Variants in NUP214 observed in about 807,000 individuals in gnomAD.
NUP214 encodes the protein nucleoporin 214.
A neutral mutation model predicts 196.2 loss-of-function variants in NUP214; 79 were observed. The observed-to-expected ratio is 0.40, with a 90% CI of 0.34 to 0.49. NUP214 has a LOEUF of 0.49. Ranked by LOEUF, NUP214 falls within the 20% of genes least tolerant of loss-of-function variation. The pLI is 0.58. For synonymous variants in NUP214, 1,020 were observed against 990.5 expected, an observed-to-expected ratio of 1.03 and a Z score of -0.56; for missense variants, 2,468 against 2,539.0, an observed-to-expected ratio of 0.97 and a Z score of 0.60.
chr9:131,159,114 G>A (rs1050751288), intron 17 of NUP214: 3 of 428,538 alleles, frequency 7.0e-6, no homozygotes, highest in Admixed American at 4.2e-5. Context: ...GAGTCTTGCT[G>A]TGTTGCCCAG....
chr9:131,175,221 A>G (rs1271869094), intron 22 of NUP214, among the ~76,000 whole-genome samples: 1 of 152,308 alleles, frequency 6.6e-6, no homozygotes, highest in Non-Finnish European at 1.5e-5. Flanking sequence ...TGTTGGTATA[A>G]AAGTTGTATC....
At chr9:131,225,762 C>G (rs1834703330) in intron 32 of NUP214, among the ~76,000 whole-genome samples, 1 of 152,176 alleles carries the variant, frequency 6.6e-6, no homozygotes, top group African/African-American at 2.4e-5. Flanking sequence ...GCCTTCCTGT[C>G]CAGGCATCAG....
intron 30 of NUP214, 47 bp from the exon 31 acceptor site, chr9:131,215,165 C>A: frequency 7.0e-7 from 1 of 1,421,802 alleles, no homozygotes; most frequent in South Asian, 1.7e-5. Flanking sequence ...TGCCATTTCA[C>A]GATGACCTCT....
intron 32 of NUP214, among the ~76,000 whole-genome samples, chr9:131,223,725 T>TTATTTATTTA (rs1834635612): frequency 5.0e-5 from 1 of 20,080 alleles, no homozygotes; most frequent in Non-Finnish European, 1.3e-4. Flanking sequence ...ATTTATTTAT[T>TTATTTATTTA]TATTTTTTTT....
intron 32 of NUP214, 146 bp from the exon 33 acceptor site, chr9:131,228,014 T>C: frequency 1.4e-6 from 1 of 727,992 alleles, no homozygotes; most frequent in Non-Finnish European, 2.1e-6. Flanking sequence ...TGCCCTTTAC[T>C]CTAGTTCTTG....
At chr9:131,223,727 A>ATTTATTTATTTATTTATTTT in intron 32 of NUP214, among the ~76,000 whole-genome samples, 2 of 15,656 alleles carry the variant, frequency 1.3e-4, no homozygotes, top group African/African-American at 3.0e-4. Flanking sequence ...TTATTTATTT[A>ATTTATTTATTTATTTATTTT]TTTTTTTTTT....
Position 131,134,982 on chromosome 9 carries a change from T to A in NUP214, c.916T>A (p.Tyr306Asn). The A allele has an allele frequency of 6.2e-7, 1 of 1,612,490 alleles. No individual in the cohort carries two copies. Among genetic ancestry groups the A allele is most frequent in the Non-Finnish European group, 8.5e-7 (1 of 1,178,594 alleles). ...CTGCACGGAGAGACAGCATCATTACTACCTCAGTTACATTGAGGAATGGTG... is the reference window on the plus strand; with the variant it reads ...CTGCACGGAGAGACAGCATCATTACAACCTCAGTTACATTGAGGAATGGTG... ...GSCTERQHHYYLSYIEEWDLV... is the reference protein window; with the variant it reads ...GSCTERQHHYNLSYIEEWDLV... The change falls in exon 8 of 36, where the codon TAC (tyrosine) becomes AAC (asparagine). Residue 306 changes from tyrosine (Y) to asparagine (N), a missense_variant. Coordinates refer to ENST00000359428, the MANE Select transcript of NUP214 (RefSeq NM_005085.4).
At chr9:131,135,063 A>G in intron 8 of NUP214, 59 bp downstream of exon 8, 1 of 1,138,750 alleles carries the variant, frequency 8.8e-7, no homozygotes, top group Non-Finnish European at 1.3e-6. Flanking sequence ...CACCTGAGTC[A>G]CCTTGTCCCA....
Position 131,132,637 on chromosome 9 carries a change from T to C in NUP214, c.705T>C (p.Tyr235=). 1 of 1,614,176 alleles carries C rather than the reference T, an allele frequency of 6.2e-7. No individual in the cohort carries two copies. Among genetic ancestry groups the C allele is most frequent in the Non-Finnish European group, 8.5e-7 (1 of 1,179,988 alleles). ...EKKVIPCPPF[Y]ESDHPVRVLD... is the part of the protein sequence containing the mutation. ...AAGTCATTCCTTGTCCTCCGTTTTA[T>C]GAGTCAGATCATCCTGTCAGAGGTA... is the stretch of plus-strand genomic sequence containing the variant. The change falls in exon 6 of 36, where the codon TAT becomes TAC. Residue 235 remains tyrosine, a synonymous_variant. Coordinates refer to ENST00000359428, the MANE Select transcript of NUP214 (RefSeq NM_005085.4).
Position 131,199,028 on chromosome 9 carries a change from G to A in NUP214, c.5521+13G>A. The A allele has an allele frequency of 1.3e-6, 2 of 1,567,762 alleles. No homozygotes were observed. The highest frequency in any genetic ancestry group is 1.7e-6 in the Non-Finnish European group (2 of 1,157,256). On this transcript the variant is annotated intron_variant, in intron 29 of 35. Transcript: ENST00000359428. ...TGCCAAGCTTCAGGTAAGAATTTGT[G>A]GAAGCTTTTTACTTGTTTCCCTCTC...
chr9:131,147,524 C>G lies in NUP214; in HGVS notation c.1980C>G (p.Pro660=), dbSNP rs774309566. The change falls in exon 14 of 36, where the codon CCC becomes CCG. Residue 660 remains proline (P), a synonymous_variant. Coordinates refer to ENST00000359428, the MANE Select transcript of NUP214 (RefSeq NM_005085.4). ...CTCAGGGCAGTTCAAGCCCAGTGCCCTCAATGGTACAGAAATCACCCAGGA... is the reference window on the plus strand; with the variant it reads ...CTCAGGGCAGTTCAAGCCCAGTGCCGTCAATGGTACAGAAATCACCCAGGA... ...RSAQGSSSPV[P]SMVQKSPRIT... 9.9e-6 allele frequency: 16 copies of G among 1,613,982 alleles called. No homozygotes were observed. The highest frequency in any genetic ancestry group is 1.6e-4 in the Middle Eastern group (1 of 6,084).
chr9:131,180,582 T>C (rs1833245285), intron 24 of NUP214, among the ~76,000 whole-genome samples: 1 of 152,260 alleles, frequency 6.6e-6, no homozygotes, highest in Non-Finnish European at 1.5e-5. Context: ...TTTCTGCCAT[T>C]GGTGTACTTT....
chr9:131,161,197 TTGATAG>T (rs917584424), intron 18 of NUP214, among the ~76,000 whole-genome samples: 6 of 152,178 alleles, frequency 3.9e-5, no homozygotes, highest in Non-Finnish European at 5.9e-5. Flanking sequence ...ATTTTCTATT[TTGATAG>T]CACTTCTCTG....
rs201889210 is a variant in NUP214 at position 131,139,304 on chromosome 9, G to A, written c.1029G>A (p.Leu343=). 8.7e-6 allele frequency: 13 copies of A among 1,488,880 alleles called. No homozygotes were observed. The Admixed American group carries it at 2.0e-4, about 23-fold the overall frequency. The allele number at this position is 1,488,880 out of a possible 1,614,324, so 92.2% of individuals were successfully genotyped here. A position where few individuals can be genotyped will look rare whatever the true frequency, so the allele number is the denominator to read the frequency against. Residue 343 remains leucine, a synonymous_variant, in exon 10 of 36, where the codon CTG becomes CTA. Transcript: ENST00000359428. ...SDQINWESWL[L]EDSSRAELPV... ...AGATTAATTGGGAATCTTGGCTACTGGAGGATTCTAGTCGAGCTGAATTGC... is the reference window on the plus strand; with the variant it reads ...AGATTAATTGGGAATCTTGGCTACTAGAGGATTCTAGTCGAGCTGAATTGC...
chr9:131,168,386 A>G (rs1165946606), intron 21 of NUP214, among the ~76,000 whole-genome samples: 1 of 152,232 alleles, frequency 6.6e-6, no homozygotes, highest in Non-Finnish European at 1.5e-5. Flanking sequence ...TAATTTACAT[A>G]TAAAACTCAC....
Position 131,130,760 on chromosome 9 carries a change from G to T in NUP214, c.593-6G>T. 2 of 1,613,804 alleles carry T rather than the reference G, an allele frequency of 1.2e-6. No individual in the cohort carries two copies. Among genetic ancestry groups the T allele is most frequent in the Non-Finnish European group, 1.7e-6 (2 of 1,179,774 alleles). On this transcript the variant is annotated splice_region_variant and splice_polypyrimidine_tract_variant and intron_variant, in intron 4 of 35. Coordinates refer to ENST00000359428, the MANE Select transcript of NUP214 (RefSeq NM_005085.4). ...GTTTTCATTTGGTAATACTGTCTTT[G>T]CTCAGTGTGCTGGAGCCCCAAAGGA...
rs140888603 is a variant in NUP214, at chr9:131,159,424, A to G, written c.2478A>G (p.Gln826=). The change falls in exon 18 of 36, where the codon CAA becomes CAG. Residue 826 remains glutamine, a synonymous_variant. Transcript: ENST00000359428. ...ATCAGTATGTGAAATTTGCTGTCCA[A>G]GATGTGAATGATGTTCTAGACTTGG... ...RLHQYVKFAV[Q]DVNDVLDLEW... 2.9e-4 allele frequency: 469 copies of G among 1,614,026 alleles called. 1 individual carries two copies. The highest frequency in any genetic ancestry group is 6.5e-4 in the South Asian group (59 of 91,084).
intron 25 of NUP214, among the ~76,000 whole-genome samples, chr9:131,188,091 A>T (rs1034136777): frequency 3.9e-5 from 6 of 152,202 alleles, no homozygotes; most frequent in African/African-American, 1.4e-4. Context: ...CGATTAGTAA[A>T]TGGTGGAACC....
chr9:131,151,899 G>A lies in NUP214; in HGVS notation c.2436+5G>A, dbSNP rs774600916. 1.2e-6 allele frequency: 2 copies of A among 1,603,176 alleles called. No individual in the cohort carries two copies. The highest frequency in any genetic ancestry group is 1.7e-6 in the Non-Finnish European group (2 of 1,176,544). On this transcript the variant is annotated splice_donor_5th_base_variant and intron_variant, in intron 17 of 35. Transcript: ENST00000359428. ...AAGAGTGAAGCTCAGCTTCAGGTAG[G>A]AGATCTATGTAAATCTGTTTAAAAG...
Sources: gnomAD v4.1 joint callset for allele counts (sites outside exome capture counted in the v4.1 genomes callset) on GRCh38, gnomAD v4.1.1 for gene constraint, MANE v1.5 for transcripts, NCBI Gene and HGNC (gene_info 2026-07-23, HGNC 2026-07-21) for gene names.